LRP6: variants seen among roughly 807,000 people sequenced by gnomAD.
The protein encoded by LRP6 is low-density lipoprotein receptor-related protein 6.
In LRP6, 43 loss-of-function variants were observed where a neutral mutation model predicts 184.1. That is an observed-to-expected ratio of 0.23 (90% CI 0.18 to 0.30). The LOEUF (loss-of-function observed/expected upper bound fraction) is 0.30, where lower values mean the gene tolerates loss of function less well. Ranked by LOEUF, LRP6 falls within the 10% of genes least tolerant of loss-of-function variation. The pLI is 1.00. For synonymous variants in LRP6, 719 were observed against 684.9 expected (o/e 1.05, Z -0.78); for missense variants, 1,571 against 2,005.3 (o/e 0.78, Z 4.14).
At chr12:12,135,470 T>A (rs1398690118) in intron 16 of LRP6, among the ~76,000 whole-genome samples, 170 bp from the exon 17 acceptor site, 2 of 128,146 alleles carry the variant, frequency 1.6e-5, no homozygotes, top group East Asian at 2.4e-4. Flanking sequence ...GGACTTTTTT[T>A]ACTTTTATCA....
intron 7 of LRP6, among the ~76,000 whole-genome samples, chr12:12,172,211 A>G (rs757540243): frequency 1.2e-4 from 18 of 152,220 alleles, no homozygotes; most frequent in Non-Finnish European, 2.4e-4. Flanking sequence ...CAGTGGTTTC[A>G]GCTGCTTTGA....
intron 2 of LRP6, among the ~76,000 whole-genome samples, chr12:12,229,551 G>A (rs1298505720): frequency 6.6e-6 from 1 of 152,074 alleles, no homozygotes; most frequent in African/African-American, 2.4e-5. Flanking sequence ...GAGCAGGTTT[G>A]GTTGTTTTGT....
At chr12:12,190,670 G>C (rs1221162135) in intron 3 of LRP6, among the ~76,000 whole-genome samples, 1 of 152,140 alleles carries the variant, frequency 6.6e-6, no homozygotes, top group East Asian at 1.9e-4. Flanking sequence ...CCTCCTCACA[G>C]ATAGTCATCT....
intron 22 of LRP6, among the ~76,000 whole-genome samples, chr12:12,122,288 A>AT (rs996822878): frequency 6.6e-6 from 1 of 152,182 alleles, no homozygotes; most frequent in African/African-American, 2.4e-5. Flanking sequence ...TCCTACTTCT[A>AT]TTTTTAACTT....
chr12:12,240,962 A>AGT (rs1865050028), intron 2 of LRP6, among the ~76,000 whole-genome samples: 2 of 152,184 alleles, frequency 1.3e-5, no homozygotes, highest in African/African-American at 4.8e-5. Context: ...TGAACTGTAT[A>AGT]CTGCTAGTCA....
chr12:12,166,760 G>A (rs1411193834), intron 7 of LRP6, among the ~76,000 whole-genome samples: 1 of 152,072 alleles, frequency 6.6e-6, no homozygotes, highest in Non-Finnish European at 1.5e-5. Context: ...TGTTTATTTT[G>A]ATAAATAAAT....
At chr12:12,262,952 T>C (rs1294713895) in intron 1 of LRP6, among the ~76,000 whole-genome samples, 2 of 152,016 alleles carry the variant, frequency 1.3e-5, no homozygotes, top group African/African-American at 2.4e-5. Context: ...CCCTTTCACT[T>C]TTAAGAATGT....
At chr12:12,175,376 G>A (rs1863147397) in intron 7 of LRP6, among the ~76,000 whole-genome samples, 1 of 151,718 alleles carries the variant, frequency 6.6e-6, no homozygotes, top group Non-Finnish European at 1.5e-5. Context: ...GCGACAGAGT[G>A]AGACCCTGTC....
chr12:12,164,192 G>T, intron 9 of LRP6, 81 bp downstream of exon 9: 2 of 1,264,140 alleles, frequency 1.6e-6, no homozygotes, highest in Non-Finnish European at 2.3e-6. Context: ...TGAGGGAGGT[G>T]GGTCACAGCA....
At chr12:12,221,093 C>T (rs967070512) in intron 2 of LRP6, among the ~76,000 whole-genome samples, 5 of 152,184 alleles carry the variant, frequency 3.3e-5, no homozygotes, top group African/African-American at 7.2e-5. Flanking sequence ...TGTCAATATT[C>T]GTGAGACTGG....
intron 2 of LRP6, among the ~76,000 whole-genome samples, chr12:12,203,663 G>A (rs1218867605): frequency 2.0e-5 from 3 of 152,160 alleles, no homozygotes; most frequent in African/African-American, 7.2e-5. Context: ...GGCTACTCAG[G>A]AGGCTGAGGC....
chr12:12,265,240 C>T (rs1362610104), intron 1 of LRP6, among the ~76,000 whole-genome samples: 1 of 152,126 alleles, frequency 6.6e-6, no homozygotes, highest in Non-Finnish European at 1.5e-5. Flanking sequence ...GAAACCTCTC[C>T]AGTACGTAAC....
chr12:12,159,921 T>G lies in LRP6; in HGVS notation c.2323A>C (p.Arg775=), dbSNP rs762646436. The change falls in exon 11 of 23, where the codon AGA becomes CGA. Residue 775 remains arginine, a synonymous_variant. Coordinates refer to ENST00000261349, the MANE Select transcript of LRP6 (RefSeq NM_002336.3). ...TEWGGKPKID[R]AAMDGSERTT... Reference sequence around the variant, plus strand: ...CGTTCACTTCCATCCATTGCAGCTCTGTCTATCTTAGGTTTTCCACCCCAT... The same window carrying G: ...CGTTCACTTCCATCCATTGCAGCTCGGTCTATCTTAGGTTTTCCACCCCAT... 7 of 1,613,868 alleles carry G rather than the reference T, an allele frequency of 4.3e-6. No homozygotes were observed. The African/African-American group carries it at 6.7e-5, about 15-fold the overall frequency.
At chr12:12,175,091 A>G (rs1321488574) in intron 7 of LRP6, among the ~76,000 whole-genome samples, 1 of 152,008 alleles carries the variant, frequency 6.6e-6, no homozygotes, top group Non-Finnish European at 1.5e-5. Context: ...AATAAAAAGT[A>G]TATAATGAAA....
intron 3 of LRP6, among the ~76,000 whole-genome samples, chr12:12,197,357 G>A (rs542982807): frequency 6.6e-6 from 1 of 152,236 alleles, no homozygotes; most frequent in African/African-American, 2.4e-5. Context: ...CTTTTAAGGT[G>A]GAATGGTTTT....
intron 7 of LRP6, among the ~76,000 whole-genome samples, chr12:12,167,063 T>TACTCCAGCCTAAGTA (rs1305824143): frequency 6.6e-6 from 1 of 152,092 alleles, no homozygotes; most frequent in African/African-American, 2.4e-5. Context: ...CAAGCCACTG[T>TACTCCAGCCTAAGTA]ACTCCAGCCT....
intron 2 of LRP6, among the ~76,000 whole-genome samples, chr12:12,241,258 G>C (rs1382725669): frequency 2.0e-5 from 3 of 152,218 alleles, no homozygotes; most frequent in Non-Finnish European, 2.9e-5. Context: ...CCTCAGCACT[G>C]TTTTCATGTA....
intron 7 of LRP6, among the ~76,000 whole-genome samples, chr12:12,174,429 C>A (rs1223663707): frequency 1.3e-5 from 2 of 151,852 alleles, no homozygotes; most frequent in Non-Finnish European, 2.9e-5. Flanking sequence ...AAGGTATAAT[C>A]AATTTTAAGA....
At chr12:12,164,938 A>G in intron 8 of LRP6, 141 bp downstream of exon 8, 1 of 399,252 alleles carries the variant, frequency 2.5e-6, no homozygotes, top group Non-Finnish European at 4.5e-6. Flanking sequence ...AAAAAAAAAA[A>G]AAAAAAAAAA....
Sources: gnomAD v4.1 joint callset for allele counts (sites outside exome capture counted in the v4.1 genomes callset) on GRCh38, gnomAD v4.1.1 for gene constraint, MANE v1.5 for transcripts, NCBI Gene and HGNC (gene_info 2026-07-23, HGNC 2026-07-21) for gene names.